DDX60L: variants seen among roughly 807,000 people sequenced by gnomAD.
DDX60L encodes DExD/H-box 60 like.
DDX60L carries 191 observed loss-of-function variants against 211.6 expected under a neutral mutation model. The ratio of observed to expected loss-of-function variants is 0.90; its 90% confidence interval spans 0.80 to 1.02. The LOEUF is 1.02. DDX60L is among the 50% of genes least tolerant of loss of function. DDX60L has a pLI of 0.00. For missense variants in DDX60L, 2,007 were observed against 1,984.1 expected (o/e 1.01, Z -0.22); for synonymous variants, 706 against 694.1 (o/e 1.02, Z -0.27).
chr4:168,462,067 A>G (rs1386582790), intron 4 of DDX60L, 27 bp from the exon 5 acceptor site: 1 of 1,470,380 alleles, frequency 6.8e-7, no homozygotes, highest in East Asian at 2.3e-5. Flanking sequence ...AAACAAGCAC[A>G]TCATTTTCAA....
At chr4:168,400,723 C>T in intron 26 of DDX60L, 103 bp downstream of exon 26, 2 of 1,041,656 alleles carry the variant, frequency 1.9e-6, no homozygotes, top group Non-Finnish European at 2.7e-6. Context: ...GAAGCAATAA[C>T]AAGAACCTCT....
At position 168,432,470 on chromosome 4, in the gene DDX60L, TG is replaced by T; in HGVS notation, c.1500del (p.Lys501AsnfsTer17). 1 of 1,570,464 alleles carries T rather than the reference TG, an allele frequency of 6.4e-7. No homozygotes were observed. The highest frequency in any genetic ancestry group is 8.7e-7 in the Non-Finnish European group (1 of 1,155,390). Reference protein sequence around the residue: ...QRLLSDDYDRIKCHVDEQSRD... With the variant: ...QRLLSDDYDRXKCHVDEQSRD... ...CAGAGCTCACCATCAACATGACATT[TG>T]ATCCTGTCATAGTCGTCACTAAGGA... On this transcript the variant is annotated frameshift_variant, in exon 12 of 38. Coordinates refer to ENST00000682922, the MANE Select transcript of DDX60L (RefSeq NM_001012967.3). LOFTEE classifies it high-confidence loss of function.
chr4:168,415,694 G>A lies in DDX60L; in HGVS notation c.2832C>T (p.Asp944=). The change falls in exon 21 of 38, where the codon GAC becomes GAT. Residue 944 remains aspartate (D), a synonymous_variant. Transcript: ENST00000682922. ...CATATGATTGATTTTTATATGAATGGTCTTGGAGAAAGTTGAGACATTTGT... is the reference window on the plus strand; with the variant it reads ...CATATGATTGATTTTTATATGAATGATCTTGGAGAAAGTTGAGACATTTGT... ...QADKCLNFLQ[D]HSYKNQSYEV... 6.2e-7 allele frequency: 1 copy of A among 1,603,404 alleles called. No individual in the cohort carries two copies. Among genetic ancestry groups the A allele is most frequent in the Non-Finnish European group, 8.5e-7 (1 of 1,173,904 alleles).
intron 8 of DDX60L, among the ~76,000 whole-genome samples, chr4:168,449,663 A>AAAAAAAAAAAAAAAAAAT (rs1561098817): frequency 1.6e-5 from 1 of 62,426 alleles, no homozygotes; most frequent in African/African-American, 7.4e-5. Flanking sequence ...AAAAAAAAAA[A>AAAAAAAAAAAAAAAAAAT]AAGAAAAAAG....
intron 37 of DDX60L, 97 bp downstream of exon 37, chr4:168,361,052 C>A (rs10517987): frequency 0.062 from 56,471 of 909,018 alleles, 1,976 homozygotes; most frequent in Middle Eastern, 0.079. Context: ...TCAGAGTGCT[C>A]CTTCATGAGA....
At chr4:168,456,632 CA>C (rs1318794175) in intron 6 of DDX60L, among the ~76,000 whole-genome samples, 7 of 152,096 alleles carry the variant, frequency 4.6e-5, no homozygotes, top group Admixed American at 2.0e-4. Flanking sequence ...AGAATTTCTG[CA>C]AAGCTCTTTG....
Position 168,420,398 on chromosome 4 carries a change from A to G in DDX60L, c.2395-18T>C, listed in dbSNP as rs770779925. ...ACAAGGGACTGATTGACAAGAAAAA[A>G]AACCATTAGTCACTTAGTAGAGAAG... On this transcript the variant is annotated intron_variant, in intron 17 of 37. Transcript: ENST00000682922. The G allele has an allele frequency of 6.2e-7, 1 of 1,600,362 alleles. No individual in the cohort carries two copies. The highest frequency in any genetic ancestry group is 8.5e-7 in the Non-Finnish European group (1 of 1,175,534).
chr4:168,422,715 T>C (rs1003153673), intron 15 of DDX60L, 45 bp from the exon 16 acceptor site: 2 of 1,390,188 alleles, frequency 1.4e-6, no homozygotes, highest in Admixed American at 2.2e-5. Flanking sequence ...AACTTCAAAA[T>C]TGAATAAACA....
At position 168,394,633 on chromosome 4, in the gene DDX60L, A is replaced by G; in HGVS notation, c.3658-16T>C. 6.3e-7 allele frequency: 1 copy of G among 1,575,086 alleles called. No homozygotes were observed. Among genetic ancestry groups the G allele is most frequent in the Non-Finnish European group, 8.6e-7 (1 of 1,164,446 alleles). The stretch of plus-strand genomic sequence containing the variant: ...TCTCCAAAGTCTAAAACAAGAAAGA[A>G]GTGTAAAACAATTGATGATGTATTT... On this transcript the variant is annotated splice_polypyrimidine_tract_variant and intron_variant, in intron 27 of 37. Coordinates refer to ENST00000682922, the MANE Select transcript of DDX60L (RefSeq NM_001012967.3).
chr4:168,362,784 A>G (rs1297681595), intron 36 of DDX60L, among the ~76,000 whole-genome samples: 1 of 152,246 alleles, frequency 6.6e-6, no homozygotes, highest in African/African-American at 2.4e-5. Context: ...AAGAGGGAAA[A>G]AGAATAAAAA....
chr4:168,397,380 G>A (rs181606824), intron 26 of DDX60L, among the ~76,000 whole-genome samples: 44 of 152,224 alleles, frequency 2.9e-4, no homozygotes, highest in African/African-American at 8.7e-4. Flanking sequence ...ATAAAGATAT[G>A]GAAACAACTG....
intron 17 of DDX60L, among the ~76,000 whole-genome samples, chr4:168,420,642 G>GAGATAGAT (rs3068291): frequency 0.014 from 1,967 of 136,466 alleles, 14 homozygotes; most frequent in East Asian, 0.03. Context: ...ACACACACAT[G>GAGATAGAT]AGATAGATAG....
Position 168,430,744 on chromosome 4 carries a change from T to C in DDX60L, c.1517-106A>G, listed in dbSNP as rs765073093. On this transcript the variant is annotated intron_variant, in intron 12 of 37. Coordinates refer to ENST00000682922, the MANE Select transcript of DDX60L (RefSeq NM_001012967.3). The stretch of plus-strand genomic sequence containing the variant: ...AACTCCAGAATAATAATTCAGTATT[T>C]GCCAATGAGGTCAGATTACCATACG... The C allele has an allele frequency of 1.9e-5, 16 of 855,572 alleles. No individual in the cohort carries two copies. The East Asian group carries it at 2.7e-4, about 15-fold the overall frequency. 53.0% of individuals were successfully genotyped at this position (855,572 alleles called of 1,614,324 possible).
chr4:168,455,333 C>T (rs1415461508), intron 7 of DDX60L, among the ~76,000 whole-genome samples: 5 of 145,376 alleles, frequency 3.4e-5, no homozygotes, highest in Non-Finnish European at 7.4e-5. Context: ...TATAGTAGAG[C>T]GGAAAATCCA....
At chr4:168,359,553 T>C in intron 37 of DDX60L, among the ~76,000 whole-genome samples, 1 of 152,204 alleles carries the variant, frequency 6.6e-6, no homozygotes, top group East Asian at 1.9e-4. Context: ...TTCTCTCACC[T>C]GGAATATGGG....
At chr4:168,478,545 G>A (rs1364711262) in intron 1 of DDX60L, among the ~76,000 whole-genome samples, 1 of 152,136 alleles carries the variant, frequency 6.6e-6, no homozygotes, top group Non-Finnish European at 1.5e-5. Flanking sequence ...TCAACCAGCA[G>A]GTCTCCATAC....
At chr4:168,415,327 T>C (rs1257500668) in intron 22 of DDX60L, 81 bp downstream of exon 22, 1 of 666,332 alleles carries the variant, frequency 1.5e-6, no homozygotes, top group Admixed American at 2.8e-5. Context: ...CATGCTGCAG[T>C]TCTATGAAGA....
chr4:168,438,228 C>T (rs1256769493), intron 10 of DDX60L, among the ~76,000 whole-genome samples: 2 of 152,150 alleles, frequency 1.3e-5, no homozygotes, highest in African/African-American at 2.4e-5. Flanking sequence ...AAATCATCTC[C>T]AAATCTACCT....
rs1296997355 is a variant in DDX60L at position 168,394,509 on chromosome 4, C to T, written c.3766G>A (p.Glu1256Lys). Residue 1256 changes from glutamate (E) to lysine (K), a missense_variant, in exon 28 of 38, where the codon GAA becomes AAA. Coordinates refer to ENST00000682922, the MANE Select transcript of DDX60L (RefSeq NM_001012967.3). The part of the protein sequence containing the change: ...GYHHSSMYFK[E>K]KEFVEILFVK... ...AAGAGTATCTCAACAAACTCTTTTTCTTTAAAATACATGCTGCTGTGATGA... is the reference window on the plus strand; with the variant it reads ...AAGAGTATCTCAACAAACTCTTTTTTTTTAAAATACATGCTGCTGTGATGA... 5 of 1,610,820 alleles carry T rather than the reference C, an allele frequency of 3.1e-6. No homozygotes were observed. Among genetic ancestry groups the T allele is most frequent in the Non-Finnish European group, 4.2e-6 (5 of 1,178,894 alleles).
Sources: gnomAD v4.1 joint callset for allele counts (sites outside exome capture counted in the v4.1 genomes callset) on GRCh38, gnomAD v4.1.1 for gene constraint, MANE v1.5 for transcripts, NCBI Gene and HGNC (gene_info 2026-07-23, HGNC 2026-07-21) for gene names.